The following MLLT3 variants were observed in gnomAD, a reference collection of about 807,000 sequenced individuals.
MLLT3 encodes the protein MLLT3 super elongation complex subunit.
Under a neutral mutation model 53.2 loss-of-function variants are expected in MLLT3, and 4 were observed. The observed-to-expected ratio is 0.08, with a 90% CI of 0.04 to 0.17. The LOEUF is 0.17. Ranked by LOEUF, MLLT3 falls within the 10% of genes least tolerant of loss-of-function variation. MLLT3 has a pLI of 1.00. For missense variants in MLLT3, 569 were observed against 684.0 expected, an observed-to-expected ratio of 0.83 and a Z score of 1.87; for synonymous variants, 283 against 230.6, an observed-to-expected ratio of 1.23 and a Z score of -2.06.
In MLLT3 at chr9:20,353,574, T is replaced by G; in HGVS notation, c.1526A>C (p.Glu509Ala). ...CDKAYLDELV[E>A]LHRRLMTLRE... is the part of the protein sequence containing the mutation. ...CAATGTCATTAACCTTCTGTGAAGC[T>G]CTACCAGTTCATCTAGGTATGCCTG... Residue 509 changes from glutamate to alanine, a missense_variant, in exon 10 of 11, where the codon GAG becomes GCG. By Grantham distance (107) the Glu-to-Ala change is moderately radical (BLOSUM62 -1). Around this residue, in one of 5 missense-constraint regions of MLLT3, gnomAD observed 45 missense variants for 85.5 expected, o/e 0.53. Coordinates refer to ENST00000380338, the MANE Select transcript of MLLT3 (RefSeq NM_004529.4). The G allele has an allele frequency of 3.7e-6, 6 of 1,614,160 alleles. No individual in the cohort carries two copies. Among genetic ancestry groups the G allele is most frequent in the Non-Finnish European group, 5.1e-6 (6 of 1,179,964 alleles).
intron 2 of MLLT3, among the ~76,000 whole-genome samples, chr9:20,474,086 A>G (rs1824462191): frequency 6.6e-6 from 1 of 152,090 alleles, no homozygotes; most frequent in Non-Finnish European, 1.5e-5. Flanking sequence ...TTGATTTCCA[A>G]GTGTCGGCTG....
intron 2 of MLLT3, among the ~76,000 whole-genome samples, chr9:20,543,350 C>T (rs1367972896): frequency 6.6e-6 from 1 of 152,242 alleles, no homozygotes; most frequent in Non-Finnish European, 1.5e-5. Flanking sequence ...TTTAAAGTGA[C>T]AGACATGCAG....
intron 10 of MLLT3, among the ~76,000 whole-genome samples, chr9:20,347,783 T>C (rs1307774963): frequency 1.3e-5 from 2 of 152,198 alleles, no homozygotes; most frequent in African/African-American, 4.8e-5. Context: ...TTCTATCACT[T>C]ACCTCTGATT....
Position 20,459,702 on chromosome 9 carries a change from T to A in MLLT3, c.194-2916A>T, listed in dbSNP as rs1824061470. ...AACAGCTGTTAATGAGCACATCTTATCGTTGAATATCTTTGGATTTTTTTT... is the reference window on the plus strand; with the variant it reads ...AACAGCTGTTAATGAGCACATCTTAACGTTGAATATCTTTGGATTTTTTTT... On this transcript the variant is annotated intron_variant, in intron 2 of 10. Transcript: ENST00000380338. Among the ~76,000 whole-genome samples the A allele has an allele frequency of 2.6e-5, 4 of 152,336 alleles. No homozygotes were observed. The South Asian group carries it at 8.3e-4, about 32-fold the overall frequency.
At chr9:20,433,190 C>T (rs1054141792) in intron 4 of MLLT3, among the ~76,000 whole-genome samples, 1 of 152,046 alleles carries the variant, frequency 6.6e-6, no homozygotes, top group Non-Finnish European at 1.5e-5. Flanking sequence ...CGGAGAAATG[C>T]TGAATTCAGA....
At chr9:20,504,043 T>TG (rs1399571440) in intron 2 of MLLT3, among the ~76,000 whole-genome samples, 1 of 151,910 alleles carries the variant, frequency 6.6e-6, no homozygotes, top group African/African-American at 2.4e-5. Context: ...ATCGAAAAGA[T>TG]GAAGATAGAT....
At chr9:20,393,085 G>A (rs1158550513) in intron 5 of MLLT3, among the ~76,000 whole-genome samples, 1 of 152,094 alleles carries the variant, frequency 6.6e-6, no homozygotes, top group Non-Finnish European at 1.5e-5. Flanking sequence ...AACCCAGGAG[G>A]CTGAGATTGC....
At chr9:20,592,091 G>A (rs1410863667) in intron 2 of MLLT3, among the ~76,000 whole-genome samples, 1 of 152,104 alleles carries the variant, frequency 6.6e-6, no homozygotes, top group Non-Finnish European at 1.5e-5. Context: ...AAAAAGATAA[G>A]GCAAGCCTAT....
Position 20,448,358 on chromosome 9 carries a change from A to G in MLLT3, c.277-92T>C. The G allele has an allele frequency of 1.7e-6, 2 of 1,208,728 alleles. No homozygotes were observed. Among genetic ancestry groups the G allele is most frequent in the Non-Finnish European group, 2.3e-6 (2 of 853,022 alleles). 74.9% of individuals were successfully genotyped at this position (1,208,728 alleles called of 1,614,324 possible). ...AATTTACTCCTCATAAGAAATAGAAAAGAACTAAGACATCTAACAGCTAAA... is the reference window on the plus strand; with the variant it reads ...AATTTACTCCTCATAAGAAATAGAAGAGAACTAAGACATCTAACAGCTAAA... On this transcript the variant is annotated intron_variant, in intron 3 of 10. Coordinates refer to ENST00000380338, the MANE Select transcript of MLLT3 (RefSeq NM_004529.4). The surrounding 1 kb of genome is among the most constrained non-coding windows in gnomAD (Gnocchi z 4.0).
intron 2 of MLLT3, among the ~76,000 whole-genome samples, chr9:20,529,751 T>G (rs7031155): frequency 1.5e-5 from 2 of 131,660 alleles, no homozygotes; most frequent in South Asian, 4.9e-4. Flanking sequence ...TTTTTTTTGG[T>G]AGGGATGGGG....
At chr9:20,511,366 A>G (rs1308416965) in intron 2 of MLLT3, among the ~76,000 whole-genome samples, 1 of 152,266 alleles carries the variant, frequency 6.6e-6, no homozygotes, top group Non-Finnish European at 1.5e-5. Context: ...ATAATAAAAA[A>G]TTGCAATTGC....
chr9:20,509,181 A>G (rs1325392830), intron 2 of MLLT3, among the ~76,000 whole-genome samples: 3 of 152,240 alleles, frequency 2.0e-5, no homozygotes, highest in South Asian at 2.1e-4. Context: ...AACTCTCTCC[A>G]TTCAGAGTCC....
At chr9:20,585,609 G>A (rs1338125984) in intron 2 of MLLT3, among the ~76,000 whole-genome samples, 1 of 152,146 alleles carries the variant, frequency 6.6e-6, no homozygotes, top group African/African-American at 2.4e-5. Flanking sequence ...CCATTCTAAT[G>A]GTATGTAGTG....
At chr9:20,614,012 CA>C (rs1820763553) in intron 2 of MLLT3, among the ~76,000 whole-genome samples, 1 of 152,160 alleles carries the variant, frequency 6.6e-6, no homozygotes, top group Non-Finnish European at 1.5e-5. Context: ...AATCCATATA[CA>C]ATGTCATACC....
chr9:20,561,403 CTT>C (rs1410762383), intron 2 of MLLT3, among the ~76,000 whole-genome samples: 1 of 152,154 alleles, frequency 6.6e-6, no homozygotes, highest in Non-Finnish European at 1.5e-5. Flanking sequence ...GTAATTAAAA[CTT>C]TTCTGATTAA....
chr9:20,591,023 TA>T (rs1484021958), intron 2 of MLLT3, among the ~76,000 whole-genome samples: 1 of 152,160 alleles, frequency 6.6e-6, no homozygotes, highest in Non-Finnish European at 1.5e-5. Context: ...GTGCTGGGAT[TA>T]AAGTTGTGAC....
At chr9:20,499,055 C>G (rs1186044510) in intron 2 of MLLT3, among the ~76,000 whole-genome samples, 2 of 152,198 alleles carry the variant, frequency 1.3e-5, no homozygotes, top group Non-Finnish European at 2.9e-5. Context: ...CTCCTAGCTT[C>G]TGGAGGTTGC....
intron 5 of MLLT3, among the ~76,000 whole-genome samples, chr9:20,386,164 C>T (rs764259557): frequency 6.6e-6 from 1 of 152,088 alleles, no homozygotes; most frequent in East Asian, 1.9e-4. Context: ...ACATACTTTA[C>T]ATAATGTTAT....
chr9:20,354,753 G>T lies in MLLT3; in HGVS notation c.1503+55C>A, dbSNP rs1327856042. The stretch of plus-strand genomic sequence containing the variant: ...CAAGGATGATCAAGGGCAACACAAA[G>T]AAACGGAAGGCTTGTCAGTGTTGGA... On this transcript the variant is annotated intron_variant, in intron 9 of 10. Coordinates refer to ENST00000380338, the MANE Select transcript of MLLT3 (RefSeq NM_004529.4). 4 of 1,191,268 alleles carry T rather than the reference G, an allele frequency of 3.4e-6. No individual in the cohort carries two copies. The East Asian group carries it at 7.0e-5, about 21-fold the overall frequency. 73.8% of individuals were successfully genotyped at this position (1,191,268 alleles called of 1,614,324 possible).
Sources: gnomAD v4.1 joint callset for allele counts (sites outside exome capture counted in the v4.1 genomes callset) on GRCh38, gnomAD v4.1.1 for gene constraint, gnomAD v4.1.1 regional missense constraint, Gnocchi (gnomAD v3.1) non-coding constraint, MANE v1.5 for transcripts, NCBI Gene and HGNC (gene_info 2026-07-23, HGNC 2026-07-21) for gene names.